Variants in KANSL1L observed in about 807,000 individuals in gnomAD.
KANSL1L encodes KAT8 regulatory NSL complex subunit 1 like.
A neutral mutation model predicts 108.6 loss-of-function variants in KANSL1L; 25 were observed. The ratio of observed to expected loss-of-function variants is 0.23; its 90% CI spans 0.17 to 0.32. The LOEUF (loss-of-function observed/expected upper bound fraction) is 0.32, where lower values mean the gene tolerates loss of function less well. Among genes scored for constraint, KANSL1L ranks in the 10% least tolerant of loss-of-function variants. The pLI, the probability that KANSL1L is intolerant of heterozygous loss-of-function variation, is 1.00. For synonymous variants in KANSL1L, 405 were observed against 395.1 expected (o/e 1.03, Z -0.30); for missense variants, 1,137 against 1,125.7 (o/e 1.01, Z -0.14).
At chr2:210,036,014 A>T (rs1447092103) in intron 8 of KANSL1L, among the ~76,000 whole-genome samples, 36 of 152,146 alleles carry the variant, frequency 2.4e-4, no homozygotes, top group Non-Finnish European at 1.5e-5. Context: ...GAGAAGCACT[A>T]ATCTGGAACG....
Position 210,025,194 on chromosome 2 carries a change from A to ATCTTTCTGATGAAGT in KANSL1L, c.2473_2474insACTTCATCAGAAAGA (p.Val825delinsAspPheIleArgLysIle). 6.3e-7 allele frequency: 1 copy of ATCTTTCTGATGAAGT among 1,597,848 alleles called. No individual in the cohort carries two copies. Among genetic ancestry groups the ATCTTTCTGATGAAGT allele is most frequent in the Non-Finnish European group, 8.6e-7 (1 of 1,165,150 alleles). ...ATATTTTTTGTGCCTTAGGGAGAAG[A>ATCTTTCTGATGAAGT]CTTCATCAGAAAGATCTTCTATCTG... On this transcript the variant is annotated protein_altering_variant, in exon 13 of 15. Coordinates refer to ENST00000281772, the MANE Select transcript of KANSL1L (RefSeq NM_152519.4).
At chr2:210,076,244 C>T (rs547513786) in intron 5 of KANSL1L, among the ~76,000 whole-genome samples, 30 of 151,970 alleles carry the variant, frequency 2.0e-4, no homozygotes, top group Non-Finnish European at 3.5e-4. Flanking sequence ...TGCAGTGGTG[C>T]GATCTCGGTT....
intron 2 of KANSL1L, among the ~76,000 whole-genome samples, chr2:210,148,907 C>A (rs1479038581): frequency 6.6e-6 from 1 of 151,922 alleles, no homozygotes; most frequent in Non-Finnish European, 1.5e-5. Flanking sequence ...TTAATATAAT[C>A]TAAAATTTTA....
chr2:210,086,953 G>C (rs2094643243), intron 5 of KANSL1L, among the ~76,000 whole-genome samples: 1 of 151,898 alleles, frequency 6.6e-6, no homozygotes, highest in South Asian at 2.1e-4. Flanking sequence ...ATGTTTAAAA[G>C]GCCTTTAAAT....
intron 5 of KANSL1L, among the ~76,000 whole-genome samples, chr2:210,086,537 TAAATA>T (rs2094639576): frequency 6.6e-6 from 1 of 151,510 alleles, no homozygotes; most frequent in Non-Finnish European, 1.5e-5. Context: ...ATATTGTTAT[TAAATA>T]AAAGATAGGA....
At chr2:210,132,429 C>T (rs2095130341) in intron 2 of KANSL1L, among the ~76,000 whole-genome samples, 1 of 152,130 alleles carries the variant, frequency 6.6e-6, no homozygotes, top group Non-Finnish European at 1.5e-5. Context: ...TTCCCTATCT[C>T]TAGTAAAGAT....
chr2:210,155,668 T>A (rs771507345), intron 1 of KANSL1L, among the ~76,000 whole-genome samples: 2 of 152,218 alleles, frequency 1.3e-5, no homozygotes, highest in Non-Finnish European at 2.9e-5. Flanking sequence ...ATCAAAAGTA[T>A]AAATCCATAT....
At chr2:210,163,169 G>A (rs1259824626) in intron 1 of KANSL1L, among the ~76,000 whole-genome samples, 1 of 152,172 alleles carries the variant, frequency 6.6e-6, no homozygotes, top group Non-Finnish European at 1.5e-5. Context: ...GCAAGCATCA[G>A]AACCAGATTT....
chr2:210,069,629 G>T (rs990253615), intron 6 of KANSL1L, among the ~76,000 whole-genome samples: 10 of 152,080 alleles, frequency 6.6e-5, no homozygotes, highest in Admixed American at 3.3e-4. Flanking sequence ...TGTGTTGGCA[G>T]GGCTACACTC....
rs140869275 is a variant in KANSL1L at position 210,080,766 on chromosome 2, T to C, written c.1551-5010A>G. ...AATTCATGTCAAACATAAATTTGTA[T>C]CAGCCCCTTTTGTGGTCTTAGACAA... On this transcript the variant is annotated intron_variant, in intron 5 of 14. Coordinates refer to ENST00000281772, the MANE Select transcript of KANSL1L (RefSeq NM_152519.4). Among the ~76,000 whole-genome samples, 646 of 152,222 alleles carry C rather than the reference T, an allele frequency of 4.2e-3. 8 individuals carry two copies. Among genetic ancestry groups the C allele is most frequent in the African/African-American group, 0.015 (613 of 41,544 alleles).
chr2:210,074,086 T>C (rs2094526018), intron 6 of KANSL1L, among the ~76,000 whole-genome samples: 1 of 152,182 alleles, frequency 6.6e-6, no homozygotes, highest in Non-Finnish European at 1.5e-5. Flanking sequence ...ATTCTGGGCA[T>C]GTCAAGGAAG....
At chr2:210,069,459 A>G (rs1388031915) in intron 6 of KANSL1L, among the ~76,000 whole-genome samples, 4 of 152,184 alleles carry the variant, frequency 2.6e-5, no homozygotes, top group Admixed American at 6.6e-5. Flanking sequence ...TTCCAAAGCC[A>G]CTTCCACCAT....
chr2:210,090,083 G>T (rs1033519439), intron 5 of KANSL1L, among the ~76,000 whole-genome samples: 1 of 152,150 alleles, frequency 6.6e-6, no homozygotes, highest in Non-Finnish European at 1.5e-5. Context: ...TCTAAGATAA[G>T]AAATAAATAA....
At chr2:210,145,891 G>A (rs2095262188) in intron 2 of KANSL1L, among the ~76,000 whole-genome samples, 1 of 152,138 alleles carries the variant, frequency 6.6e-6, no homozygotes, top group Admixed American at 6.5e-5. Context: ...AAGGCCTGGT[G>A]TGTGGACATG....
chr2:210,069,019 C>T (rs2094487762), intron 6 of KANSL1L, among the ~76,000 whole-genome samples: 1 of 152,152 alleles, frequency 6.6e-6, no homozygotes, highest in African/African-American at 2.4e-5. Context: ...TGCTTTTAAC[C>T]TAACAGCTCC....
At chr2:210,064,241 A>G (rs935347222) in intron 6 of KANSL1L, 1 of 152,170 alleles carries the variant, frequency 6.6e-6, no homozygotes, top group African/African-American at 2.4e-5. Flanking sequence ...TCCTGTATAA[A>G]TTACCCAGTT....
At chr2:210,055,102 T>C (rs2094336055) in intron 6 of KANSL1L, among the ~76,000 whole-genome samples, 2 of 152,326 alleles carry the variant, frequency 1.3e-5, no homozygotes, top group South Asian at 2.1e-4. Context: ...AATTGAATCA[T>C]AGGGGTAGTT....
At chr2:210,132,265 G>A (rs751507570) in intron 2 of KANSL1L, among the ~76,000 whole-genome samples, 10 of 152,112 alleles carry the variant, frequency 6.6e-5, no homozygotes, top group Non-Finnish European at 1.3e-4. Flanking sequence ...ATAACTTACA[G>A]TGTAACCAAA....
Position 210,153,689 on chromosome 2 carries a change from T to C in KANSL1L, c.894A>G (p.Thr298=), listed in dbSNP as rs2125642048. Reference sequence around the variant, plus strand: ...CCCACAATTTATTCTCTGCAGTCAATGTGTTAACTTCTGGCTTAATTTCAG... The same window carrying C: ...CCCACAATTTATTCTCTGCAGTCAACGTGTTAACTTCTGGCTTAATTTCAG... ...KCTEIKPEVN[T]LTAENKLWDD... is the part of the protein sequence containing the mutation. Residue 298 remains threonine, a synonymous_variant, in exon 2 of 15, where the codon ACA becomes ACG. Transcript: ENST00000281772. 1 of 1,608,084 alleles carries C rather than the reference T, an allele frequency of 6.2e-7. No individual in the cohort carries two copies. The highest frequency in any genetic ancestry group is 2.2e-5 in the East Asian group (1 of 44,836).
Sources: allele counts gnomAD v4.1 joint callset (sites outside exome capture counted in the v4.1 genomes callset), GRCh38; gene constraint gnomAD v4.1.1; transcripts MANE v1.5; gene names NCBI Gene and HGNC (gene_info 2026-07-23, HGNC 2026-07-21).